The following MAMLD1 variants were observed in gnomAD, a reference collection of about 807,000 sequenced individuals.
MAMLD1 encodes the protein mastermind-like domain-containing protein 1.
MAMLD1 carries 14 observed loss-of-function variants against 45.0 expected under a neutral mutation model. The ratio of observed to expected loss-of-function variants is 0.31; its 90% CI spans 0.21 to 0.49. The LOEUF is 0.49. Ranked by LOEUF, MAMLD1 falls within the 20% of genes least tolerant of loss-of-function variation. The pLI, the probability that MAMLD1 is intolerant of heterozygous loss-of-function variation, is 0.99. For missense variants in MAMLD1, 543 were observed against 603.6 expected, an observed-to-expected ratio of 0.90 and a Z score of 1.05; for synonymous variants, 254 against 247.8, an observed-to-expected ratio of 1.02 and a Z score of -0.24.
At chrX:150,477,421 C>T (rs1557406901) in intron 5 of MAMLD1, among the ~76,000 whole-genome samples, 1 of 112,072 alleles carries the variant, frequency 8.9e-6, no homozygotes, top group African/African-American at 3.2e-5. Flanking sequence ...CTCTGACCCC[C>T]AGGGGTGGAC....
intron 1 of MAMLD1, among the ~76,000 whole-genome samples, chrX:150,379,015 T>C (rs1557401532): frequency 9.8e-5 from 11 of 112,276 alleles, no homozygotes. Context: ...AGATGTGGCA[T>C]TGTTACTAAA....
chrX:150,503,356 C>A lies in MAMLD1; in HGVS notation c.2123C>A (p.Ala708Asp), dbSNP rs782695323. ...SLGRQPPSCQALGSESFLPGS... is the reference protein window; with the variant it reads ...SLGRQPPSCQDLGSESFLPGS... ...GGGCGACAGCCCCCGTCCTGCCAGG[C>A]CCTGGGGAGTGAGTCCTTCCTGCCC... Residue 708 changes from alanine (A) to aspartate (D), a missense_variant, in exon 6 of 8, where the codon GCC becomes GAC. Transcript: ENST00000370401. The A allele has an allele frequency of 9.9e-6, 12 of 1,211,691 alleles. 1 individual carries two copies. Among genetic ancestry groups the A allele is most frequent in the Non-Finnish European group, 1.3e-5 (12 of 894,926 alleles).
intron 1 of MAMLD1, among the ~76,000 whole-genome samples, chrX:150,397,654 T>C (rs1365983899): frequency 9.0e-6 from 1 of 111,409 alleles, no homozygotes; most frequent in Non-Finnish European, 1.9e-5. Context: ...TTCAACTCAA[T>C]GTGTGCAAAG....
At chrX:150,481,495 G>A (rs924837412) in intron 5 of MAMLD1, among the ~76,000 whole-genome samples, 8 of 111,884 alleles carry the variant, frequency 7.2e-5, no homozygotes, top group African/African-American at 1.6e-4. Context: ...GAGAAATACC[G>A]TATGATCCAG....
chrX:150,512,046 C>T lies in MAMLD1; in HGVS notation c.*87C>T. On this transcript the variant is annotated 3_prime_UTR_variant, in exon 8 of 8. Coordinates refer to ENST00000370401, the MANE Select transcript of MAMLD1 (RefSeq NM_005491.5). ...ACCTCCAAGTGTAGCCGGATCAAGG[C>T]AAGCCCCCCATCTAGCAAGCACTTG... 2 of 1,115,175 alleles carry T rather than the reference C, an allele frequency of 1.8e-6. No individual in the cohort carries two copies. Among genetic ancestry groups the T allele is most frequent in the Non-Finnish European group, 2.4e-6 (2 of 849,672 alleles). The allele number at this position is 1,115,175 out of a possible 1,213,427, so 91.9% of individuals were successfully genotyped here.
At chrX:150,398,284 G>GAAGAAGAAGAAGAAC (rs1569564550) in intron 1 of MAMLD1, among the ~76,000 whole-genome samples, 4 of 75,488 alleles carry the variant, frequency 5.3e-5, no homozygotes, top group African/African-American at 2.1e-4. Flanking sequence ...AGAAGAAGAA[G>GAAGAAGAAGAAGAAC]AAGAAGAAGA....
chrX:150,374,263 G>A (rs2032192280), intron 1 of MAMLD1, among the ~76,000 whole-genome samples: 1 of 112,669 alleles, frequency 8.9e-6, no homozygotes, highest in South Asian at 3.6e-4. Flanking sequence ...GGTTAAGAAA[G>A]CCTCAATATG....
chrX:150,366,014 C>T (rs1170108506), intron 1 of MAMLD1, among the ~76,000 whole-genome samples: 1 of 112,256 alleles, frequency 8.9e-6, no homozygotes, highest in Non-Finnish European at 1.9e-5. Context: ...GCCTGCTCCG[C>T]CCCTGTGCCC....
rs1557404761 is a variant in MAMLD1 at position 150,445,626 on chromosome X, C to T, written c.96+14C>T. The T allele has an allele frequency of 8.8e-7, 1 of 1,131,899 alleles. No individual in the cohort carries two copies. The highest frequency in any genetic ancestry group is 2.2e-5 in the Admixed American group (1 of 45,640). The allele number at this position is 1,131,899 out of a possible 1,213,427, so 93.3% of individuals were successfully genotyped here. A position where few individuals can be genotyped will look rare whatever the true frequency, so the allele number is the denominator to read the frequency against. ...CTCCAGGAATCGGTCAGACAATGGG[C>T]CATGGGGGGAGGGGGGTATTTAATG... On this transcript the variant is annotated intron_variant, in intron 2 of 7. Coordinates refer to ENST00000370401, the MANE Select transcript of MAMLD1 (RefSeq NM_005491.5).
chrX:150,453,245 A>T (rs1323494776), intron 2 of MAMLD1, among the ~76,000 whole-genome samples: 1 of 112,030 alleles, frequency 8.9e-6, no homozygotes, highest in African/African-American at 3.3e-5. Context: ...TTTGTAAATA[A>T]ACTTTTATTA....
At chrX:150,403,977 A>AAAGAAAGAAAGAAAGAAAGGAAGG (rs2033921548) in intron 1 of MAMLD1, among the ~76,000 whole-genome samples, 1 of 99,080 alleles carries the variant, frequency 1.0e-5, no homozygotes, top group African/African-American at 3.9e-5. Context: ...AGAAAGAAAG[A>AAAGAAAGAAAGAAAGAAAGGAAGG]AAGAAAGAAA....
At chrX:150,381,440 C>A (rs2032604157) in intron 1 of MAMLD1, among the ~76,000 whole-genome samples, 1 of 111,774 alleles carries the variant, frequency 8.9e-6, no homozygotes, top group East Asian at 2.8e-4. Flanking sequence ...GTCATGTGAC[C>A]ACAGTCAAGA....
chrX:150,489,649 C>T (rs1464021601), intron 5 of MAMLD1, among the ~76,000 whole-genome samples: 1 of 108,733 alleles, frequency 9.2e-6, no homozygotes, highest in Non-Finnish European at 1.9e-5. Context: ...TGGTTGTTCA[C>T]TGGGGCAGTG....
intron 1 of MAMLD1, among the ~76,000 whole-genome samples, chrX:150,371,675 A>G (rs138353531): frequency 2.9e-3 from 324 of 111,931 alleles, no homozygotes; most frequent in African/African-American, 9.7e-3. Context: ...CAAGTAATGC[A>G]TTTCTATTTT....
intron 1 of MAMLD1, among the ~76,000 whole-genome samples, chrX:150,382,129 C>T (rs1312920278): frequency 1.8e-5 from 2 of 110,884 alleles, no homozygotes; most frequent in African/African-American, 3.3e-5. Flanking sequence ...ACATTTAAGG[C>T]CATAATCGAT....
intron 5 of MAMLD1, among the ~76,000 whole-genome samples, chrX:150,477,171 G>T (rs183486615): frequency 9.1e-6 from 1 of 109,402 alleles, no homozygotes; most frequent in African/African-American, 3.3e-5. Flanking sequence ...CACCTTTTCC[G>T]CGGGGCAAGC....
intron 1 of MAMLD1, among the ~76,000 whole-genome samples, chrX:150,387,170 A>G (rs964497675): frequency 6.3e-5 from 7 of 111,760 alleles, no homozygotes; most frequent in Non-Finnish European, 1.1e-4. Context: ...TTCTCAATCT[A>G]AGGATTATAT....
At chrX:150,483,335 G>C (rs1372988030) in intron 5 of MAMLD1, among the ~76,000 whole-genome samples, 2 of 112,477 alleles carry the variant, frequency 1.8e-5, no homozygotes, top group Non-Finnish European at 3.8e-5. Context: ...CCACTTGGTA[G>C]TAAACTCCTC....
chrX:150,405,685 C>T (rs1457468955), intron 1 of MAMLD1, among the ~76,000 whole-genome samples: 1 of 111,131 alleles, frequency 9.0e-6, no homozygotes, highest in African/African-American at 3.3e-5. Flanking sequence ...TTTTTACAGC[C>T]CTTCTTCTCT....
Sources: allele counts gnomAD v4.1 joint callset (sites outside exome capture counted in the v4.1 genomes callset), GRCh38; gene constraint gnomAD v4.1.1; transcripts MANE v1.5; gene names NCBI Gene and HGNC (gene_info 2026-07-23, HGNC 2026-07-21).